UBE2E1: variants seen among roughly 807,000 people sequenced by gnomAD.
UBE2E1 encodes ubiquitin-conjugating enzyme E2 E1.
Under a neutral mutation model 21.4 loss-of-function variants are expected in UBE2E1, and 6 were observed. The ratio of observed to expected loss-of-function variants is 0.28; its 90% CI spans 0.15 to 0.55. The LOEUF (loss-of-function observed/expected upper bound fraction) is 0.55, where lower values mean the gene tolerates loss of function less well. Ranked by LOEUF, UBE2E1 falls within the 20% of genes least tolerant of loss-of-function variation. UBE2E1 has a pLI of 0.93. For synonymous variants in UBE2E1, 87 were observed against 82.7 expected (o/e 1.05, Z -0.28); for missense variants, 142 against 236.5 (o/e 0.60, Z 2.62).
At position 23,876,413 on chromosome 3, in the gene UBE2E1, A is replaced by G. The variant is rs1700915022; in HGVS notation, c.204-11154A>G. ...GTTTTATGAAGGGGTGCTGAGGGTA[A>G]GAATGTACCAAGTAGATCTCATGGA... On this transcript the variant is annotated intron_variant, in intron 3 of 5. Transcript: ENST00000306627. This position sits in a 1 kb window ranked among gnomAD's most constrained non-coding sequence, Gnocchi z 4.3. 6.6e-6 allele frequency among the ~76,000 whole-genome samples: 1 copy of G among 152,200 alleles called. No homozygotes were observed. Among genetic ancestry groups the G allele is most frequent in the African/African-American group, 2.4e-5 (1 of 41,446 alleles).
At chr3:23,832,414 G>T (rs1340421492) in intron 3 of UBE2E1, among the ~76,000 whole-genome samples, 2 of 152,224 alleles carry the variant, frequency 1.3e-5, no homozygotes, top group Non-Finnish European at 2.9e-5. Context: ...GGAGGCCGAG[G>T]TGGGCAGATC....
chr3:23,807,468 C>T, intron 2 of UBE2E1, 47 bp downstream of exon 2: 2 of 1,589,576 alleles, frequency 1.3e-6, no homozygotes, highest in African/African-American at 1.4e-5. Context: ...TTCCGAACTG[C>T]CTCTTGCTGC....
At chr3:23,855,672 A>C (rs949311220) in intron 3 of UBE2E1, among the ~76,000 whole-genome samples, 7 of 151,976 alleles carry the variant, frequency 4.6e-5, no homozygotes, top group Non-Finnish European at 1.0e-4. Context: ...TACTAAAAAT[A>C]CAAAAAAATT....
intron 3 of UBE2E1, among the ~76,000 whole-genome samples, chr3:23,839,557 A>G (rs1343667698): frequency 6.6e-6 from 1 of 151,936 alleles, no homozygotes; most frequent in African/African-American, 2.4e-5. Flanking sequence ...TTTTCTTTGT[A>G]TAGTTTCAGA....
In UBE2E1 at chr3:23,837,233, A is replaced by C. The variant is rs370402236; in HGVS notation, c.203+25723A>C. On this transcript the variant is annotated intron_variant, in intron 3 of 5. Coordinates refer to ENST00000306627, the MANE Select transcript of UBE2E1 (RefSeq NM_003341.5). ...ACTATTATTTTCACCTCAGTTATACAGGTGAGGAAGTTGAAACATAAAAAA... is the reference window on the plus strand; with the variant it reads ...ACTATTATTTTCACCTCAGTTATACCGGTGAGGAAGTTGAAACATAAAAAA... Among the ~76,000 whole-genome samples the C allele has an allele frequency of 2.9e-3, 446 of 152,342 alleles. 25 individuals are homozygous for C. In the South Asian group the frequency reaches 0.089, roughly 30 times the overall value.
rs945200193 is a variant in UBE2E1 at position 23,853,927 on chromosome 3, A to C, written c.204-33640A>C. Among the ~76,000 whole-genome samples the C allele has an allele frequency of 6.6e-6, 1 of 152,074 alleles. No individual in the cohort carries two copies. The highest frequency in any genetic ancestry group is 1.5e-5 in the Non-Finnish European group (1 of 68,008). On this transcript the variant is annotated intron_variant, in intron 3 of 5. Coordinates refer to ENST00000306627, the MANE Select transcript of UBE2E1 (RefSeq NM_003341.5). This position sits in a 1 kb window ranked among gnomAD's most constrained non-coding sequence, Gnocchi z 4.1. ...TCAAGTGGGTCTTTTTTTACCCTCCAGTGGTGATAGGCTGACCCAAGCCCA... is the reference window on the plus strand; with the variant it reads ...TCAAGTGGGTCTTTTTTTACCCTCCCGTGGTGATAGGCTGACCCAAGCCCA...
intron 2 of UBE2E1, 40 bp from the exon 3 acceptor site, chr3:23,811,420 A>G: frequency 6.2e-7 from 1 of 1,612,278 alleles, no homozygotes; most frequent in Non-Finnish European, 8.5e-7. Context: ...CCGCGCCTTA[A>G]TGCTTCTTGT....
chr3:23,858,655 T>G (rs1700490468), intron 3 of UBE2E1, among the ~76,000 whole-genome samples: 2 of 152,192 alleles, frequency 1.3e-5, no homozygotes, highest in African/African-American at 4.8e-5. Flanking sequence ...AACCTTTATA[T>G]TGAGTAAATT....
rs568140554 is a variant in UBE2E1, at chr3:23,816,928, G to A, written c.203+5418G>A. 9.2e-5 allele frequency among the ~76,000 whole-genome samples: 14 copies of A among 152,204 alleles called. No individual in the cohort carries two copies. Among genetic ancestry groups the A allele is most frequent in the Admixed American group, 6.5e-4 (10 of 15,282 alleles). On this transcript the variant is annotated intron_variant, in intron 3 of 5. Transcript: ENST00000306627. This position sits in a 1 kb window ranked among gnomAD's most constrained non-coding sequence, Gnocchi z 4.8. ...TTTTGGAAATAATGGTGATGGTTGC[G>A]CAATATTGTGAATGTAATTAATGCC...
intron 3 of UBE2E1, among the ~76,000 whole-genome samples, chr3:23,877,094 A>G (rs1168220163): frequency 2.0e-5 from 3 of 152,230 alleles, no homozygotes; most frequent in Non-Finnish European, 4.4e-5. Flanking sequence ...TTTAATGTGC[A>G]TAAGAATCAT....
intron 3 of UBE2E1, among the ~76,000 whole-genome samples, chr3:23,847,649 C>A (rs571668720): frequency 5.3e-5 from 8 of 151,984 alleles, no homozygotes; most frequent in Non-Finnish European, 1.0e-4. Flanking sequence ...TGCCCACCAC[C>A]ACACTCGGCT....
chr3:23,832,783 C>T (rs971749308), intron 3 of UBE2E1, among the ~76,000 whole-genome samples: 1 of 152,202 alleles, frequency 6.6e-6, no homozygotes, highest in South Asian at 2.1e-4. Flanking sequence ...GTAATCTCAG[C>T]ACTTTGGTTA....
intron 3 of UBE2E1, among the ~76,000 whole-genome samples, chr3:23,832,461 A>G (rs1318507675): frequency 6.6e-5 from 10 of 152,208 alleles, no homozygotes; most frequent in Admixed American, 6.5e-5. Flanking sequence ...CCTGGTCACC[A>G]TGGCAAAACC....
chr3:23,890,466 T>G (rs893746678), intron 5 of UBE2E1, 43 bp from the exon 6 acceptor site: 1 of 1,588,482 alleles, frequency 6.3e-7, no homozygotes, highest in Non-Finnish European at 8.6e-7. Context: ...GTTTAAAATG[T>G]TCTTTTCCTT....
At chr3:23,831,251 T>C (rs1187881019) in intron 3 of UBE2E1, among the ~76,000 whole-genome samples, 2 of 152,244 alleles carry the variant, frequency 1.3e-5, no homozygotes, top group African/African-American at 4.8e-5. Flanking sequence ...TCTCCAACTC[T>C]CATCTATGCT....
At position 23,887,720 on chromosome 3, in the gene UBE2E1, C is replaced by T; in HGVS notation, c.336+21C>T. The T allele has an allele frequency of 6.3e-7, 1 of 1,586,710 alleles. No individual in the cohort carries two copies. Among genetic ancestry groups the T allele is most frequent in the South Asian group, 1.2e-5 (1 of 85,866 alleles). On this transcript the variant is annotated intron_variant, in intron 4 of 5. Coordinates refer to ENST00000306627, the MANE Select transcript of UBE2E1 (RefSeq NM_003341.5). This position sits in a 1 kb window ranked among gnomAD's most constrained non-coding sequence, Gnocchi z 4.4. ...CAAAGGTAAGAAATCTCCCTGTATG[C>T]TCAAATTTACTAATTCCCACAAGAG... is the stretch of plus-strand genomic sequence containing the variant.
intron 3 of UBE2E1, among the ~76,000 whole-genome samples, chr3:23,841,444 TATTA>T (rs927013250): frequency 1.2e-4 from 19 of 152,200 alleles, no homozygotes; most frequent in African/African-American, 2.9e-4. Context: ...TTTGAGCACG[TATTA>T]ATTCTAATAC....
At position 23,863,109 on chromosome 3, in the gene UBE2E1, G is replaced by A. The variant is rs1169384716; in HGVS notation, c.204-24458G>A. Among the ~76,000 whole-genome samples the A allele has an allele frequency of 1.4e-5, 2 of 147,228 alleles. No individual in the cohort carries two copies. Among genetic ancestry groups the A allele is most frequent in the African/African-American group, 5.0e-5 (2 of 40,122 alleles). On this transcript the variant is annotated intron_variant, in intron 3 of 5. Coordinates refer to ENST00000306627, the MANE Select transcript of UBE2E1 (RefSeq NM_003341.5). The surrounding 1 kb of genome is among the most constrained non-coding windows in gnomAD (Gnocchi z 4.3). ...TTTTGCTCTCTAGTGGCAACTACTT[G>A]TACCTCCTTGAGCCGAGTACTTTGT... is the stretch of plus-strand genomic sequence containing the variant.
At chr3:23,864,746 C>G (rs1700618970) in intron 3 of UBE2E1, among the ~76,000 whole-genome samples, 1 of 152,176 alleles carries the variant, frequency 6.6e-6, no homozygotes, top group Non-Finnish European at 1.5e-5. Flanking sequence ...AGAAAAGAAC[C>G]ATGTTCCTCA....
Sources: allele counts gnomAD v4.1 joint callset (sites outside exome capture counted in the v4.1 genomes callset), GRCh38; gene constraint gnomAD v4.1.1; non-coding constraint Gnocchi (gnomAD v3.1); transcripts MANE v1.5; gene names NCBI Gene and HGNC (gene_info 2026-07-23, HGNC 2026-07-21).